Variants in CADPS observed in about 807,000 individuals in gnomAD.
The protein encoded by CADPS is calcium-dependent secretion activator 1.
Under a neutral mutation model 167.3 loss-of-function variants are expected in CADPS, and 57 were observed. The observed-to-expected ratio is 0.34, with a 90% CI of 0.28 to 0.42. CADPS has a LOEUF of 0.42. Among genes scored for constraint, CADPS ranks in the 20% least tolerant of loss-of-function variants. CADPS has a pLI of 1.00. For synonymous variants in CADPS, 676 were observed against 635.3 expected (o/e 1.06, Z -0.96); for missense variants, 1,414 against 1,738.1 (o/e 0.81, Z 3.32).
chr3:62,573,466 G>A (rs2081668804), intron 8 of CADPS, among the ~76,000 whole-genome samples: 1 of 152,052 alleles, frequency 6.6e-6, no homozygotes, highest in Non-Finnish European at 1.5e-5. Flanking sequence ...AATGCACTTG[G>A]GAAAACTTTA....
intron 3 of CADPS, among the ~76,000 whole-genome samples, chr3:62,732,078 T>A (rs968345706): frequency 1.3e-5 from 2 of 152,100 alleles, no homozygotes; most frequent in African/African-American, 4.8e-5. Flanking sequence ...AACTTCCTCA[T>A]AGTCTTGTGA....
intron 5 of CADPS, among the ~76,000 whole-genome samples, chr3:62,646,992 T>C (rs1438410610): frequency 6.6e-6 from 1 of 152,036 alleles, no homozygotes; most frequent in East Asian, 1.9e-4. Context: ...TCCTACCACC[T>C]CCCCAAACTC....
intron 1 of CADPS, among the ~76,000 whole-genome samples, chr3:62,778,204 G>C (rs72878400): frequency 2.2e-4 from 33 of 152,288 alleles, no homozygotes; most frequent in African/African-American, 7.9e-4. Flanking sequence ...TCACGTATTG[G>C]TAAACACATG....
chr3:62,573,035 C>T (rs1043981296), intron 8 of CADPS, among the ~76,000 whole-genome samples: 19 of 152,134 alleles, frequency 1.2e-4, no homozygotes, highest in Non-Finnish European at 1.6e-4. Flanking sequence ...ATGTGCACCA[C>T]CATGTCCGGC....
At chr3:62,555,917 T>A (rs916467443) in intron 10 of CADPS, among the ~76,000 whole-genome samples, 5 of 152,160 alleles carry the variant, frequency 3.3e-5, no homozygotes, top group African/African-American at 1.2e-4. Flanking sequence ...CATGCCCTGG[T>A]TATTTTTTAA....
In CADPS at chr3:62,544,892, A is replaced by AGAAT. The variant is rs1445854838; in HGVS notation, c.1966+5007_1966+5010dup. ...TTAGCAGGGTAAGAAGGAACAAACC[A>AGAAT]GAATAACATAAAGACTAGCAACAAG... On this transcript the variant is annotated intron_variant, in intron 11 of 29. Coordinates refer to ENST00000383710, the MANE Select transcript of CADPS (RefSeq NM_003716.4). The surrounding 1 kb of genome is among the most constrained non-coding windows in gnomAD (Gnocchi z 4.4). The AGAAT allele has an allele frequency of 8.2e-7, 1 of 1,223,494 alleles. No individual in the cohort carries two copies. The highest frequency in any genetic ancestry group is 1.6e-5 in the African/African-American group (1 of 63,410). The allele number at this position is 1,223,494 out of a possible 1,614,324, so 75.8% of individuals were successfully genotyped here.
At chr3:62,570,848 C>T (rs775094807) in intron 9 of CADPS, 24 bp downstream of exon 9, 6 of 1,504,044 alleles carry the variant, frequency 4.0e-6, no homozygotes, top group South Asian at 1.1e-5. Context: ...ACTGATGTCT[C>T]TTAAGAGTTG....
intron 27 of CADPS, 29 bp downstream of exon 27, chr3:62,445,736 C>T (rs769557272): frequency 1.4e-6 from 2 of 1,413,094 alleles, no homozygotes; most frequent in Non-Finnish European, 1.9e-6. Context: ...ACAAAAAAAC[C>T]CCATGAGAAA....
At chr3:62,593,926 G>A (rs919857662) in intron 6 of CADPS, among the ~76,000 whole-genome samples, 21 of 152,144 alleles carry the variant, frequency 1.4e-4, no homozygotes, top group South Asian at 2.1e-4. Flanking sequence ...GTGTTTTTAT[G>A]TTGCATACCC....
chr3:62,759,325 C>T (rs117766600), intron 2 of CADPS, among the ~76,000 whole-genome samples: 6 of 152,164 alleles, frequency 3.9e-5, no homozygotes, highest in East Asian at 1.9e-4. Context: ...GCCTACTATT[C>T]GGCTAAGAAT....
chr3:62,425,265 T>TG (rs1457812528), intron 28 of CADPS, among the ~76,000 whole-genome samples: 5 of 152,214 alleles, frequency 3.3e-5, no homozygotes, highest in African/African-American at 7.2e-5. Context: ...TTATTTGTTA[T>TG]GGGGGGGCTG....
chr3:62,480,513 T>C (rs766845156), intron 22 of CADPS, among the ~76,000 whole-genome samples: 2 of 152,204 alleles, frequency 1.3e-5, no homozygotes, highest in Non-Finnish European at 2.9e-5. Context: ...TGAGCAATTG[T>C]AGGTTGTAGA....
chr3:62,437,899 T>G (rs936920412), intron 28 of CADPS, among the ~76,000 whole-genome samples: 18 of 152,102 alleles, frequency 1.2e-4, no homozygotes, highest in African/African-American at 4.3e-4. Flanking sequence ...TCACACAGAT[T>G]GGGACTGAGA....
chr3:62,560,944 C>T (rs959612813), intron 9 of CADPS, among the ~76,000 whole-genome samples: 4 of 151,672 alleles, frequency 2.6e-5, no homozygotes, highest in South Asian at 2.1e-4. Flanking sequence ...CTGGACGTGG[C>T]GGCAGACTCC....
chr3:62,563,576 G>A (rs763928913), intron 9 of CADPS, among the ~76,000 whole-genome samples: 1 of 152,134 alleles, frequency 6.6e-6, no homozygotes, highest in African/African-American at 2.4e-5. Flanking sequence ...TGGGGAACAG[G>A]TGATATTCAG....
At chr3:62,769,645 C>CAAT (rs2087991875) in intron 1 of CADPS, among the ~76,000 whole-genome samples, 1 of 152,110 alleles carries the variant, frequency 6.6e-6, no homozygotes. Context: ...TTCCAGACTC[C>CAAT]CCAGGTGGAG....
chr3:62,515,766 G>A (rs1266621770), intron 16 of CADPS, among the ~76,000 whole-genome samples: 4 of 152,062 alleles, frequency 2.6e-5, no homozygotes, highest in Admixed American at 6.6e-5. Flanking sequence ...CCACAGAGCC[G>A]ATACTTAGGG....
At chr3:62,411,107 AAAACAAAC>A (rs376384009) in intron 28 of CADPS, among the ~76,000 whole-genome samples, 1 of 152,118 alleles carries the variant, frequency 6.6e-6, no homozygotes, top group Admixed American at 6.6e-5. Flanking sequence ...TGTCTCTGAA[AAAACAAAC>A]AAACAAACAA....
chr3:62,739,916 C>T (rs2079839831), intron 3 of CADPS, among the ~76,000 whole-genome samples: 1 of 152,228 alleles, frequency 6.6e-6, no homozygotes, highest in South Asian at 2.1e-4. Context: ...CTGTATCTTA[C>T]TAGTCATCTA....
Sources: allele counts gnomAD v4.1 joint callset (sites outside exome capture counted in the v4.1 genomes callset), GRCh38; gene constraint gnomAD v4.1.1; non-coding constraint Gnocchi (gnomAD v3.1); transcripts MANE v1.5; gene names NCBI Gene and HGNC (gene_info 2026-07-23, HGNC 2026-07-21).